Variants in MCCC2 observed in about 807,000 individuals in gnomAD.
The protein encoded by MCCC2 is methylcrotonyl-CoA carboxylase subunit 2.
In MCCC2, 52 loss-of-function variants were observed where a neutral mutation model predicts 77.2. The ratio of observed to expected loss-of-function variants is 0.67; its 90% CI spans 0.54 to 0.85. MCCC2 has a LOEUF of 0.85. Ranked by LOEUF, MCCC2 falls within the 40% of genes least tolerant of loss-of-function variation. The probability of loss-of-function intolerance (pLI) is 0.00; values close to 1 mark genes in which losing one functional copy is unlikely to be tolerated. For synonymous variants in MCCC2, 253 were observed against 248.4 expected, an observed-to-expected ratio of 1.02 and a Z score of -0.18; for missense variants, 682 against 703.2, an observed-to-expected ratio of 0.97 and a Z score of 0.34.
chr5:71,596,145 A>AT lies in MCCC2; in HGVS notation c.197-133dup, dbSNP rs1745177851. Reference sequence around the variant, plus strand: ...TGGCAACTTGTAAGTTGAGTGAATGATTATTAGCCTTTTCTCAGAGGATAT... The same window carrying AT: ...TGGCAACTTGTAAGTTGAGTGAATGATTTATTAGCCTTTTCTCAGAGGATAT... On this transcript the variant is annotated intron_variant, in intron 2 of 16. Coordinates refer to ENST00000340941, the MANE Select transcript of MCCC2 (RefSeq NM_022132.5). 8.8e-6 allele frequency: 7 copies of AT among 792,964 alleles called. No homozygotes were observed. In the Admixed American group the frequency reaches 1.5e-4, roughly 17 times the overall value. 49.1% of individuals were successfully genotyped at this position (792,964 alleles called of 1,614,324 possible).
chr5:71,619,116 TC>T (rs1298557997), intron 6 of MCCC2, among the ~76,000 whole-genome samples: 1 of 152,118 alleles, frequency 6.6e-6, no homozygotes, highest in Non-Finnish European at 1.5e-5. Flanking sequence ...TTTCCCTTTC[TC>T]CCCCCTACCT....
chr5:71,615,089 C>T (rs1554135750), intron 6 of MCCC2, among the ~76,000 whole-genome samples: 1 of 152,170 alleles, frequency 6.6e-6, no homozygotes, highest in Non-Finnish European at 1.5e-5. Context: ...GCCTCAGCCT[C>T]CCTAGTAGCA....
chr5:71,611,345 CGAGCT>C (rs1745935631), intron 6 of MCCC2, among the ~76,000 whole-genome samples: 1 of 151,532 alleles, frequency 6.6e-6, no homozygotes, highest in Non-Finnish European at 1.5e-5. Context: ...GAGGCTACAG[CGAGCT>C]GTGGTTGCAC....
At chr5:71,637,241 T>G (rs2112443941) in intron 10 of MCCC2, among the ~76,000 whole-genome samples, 1 of 152,310 alleles carries the variant, frequency 6.6e-6, no homozygotes, top group South Asian at 2.1e-4. Flanking sequence ...TCAACAATTG[T>G]TAGAACTTGT....
chr5:71,626,589 A>G, intron 6 of MCCC2, 51 bp from the exon 7 acceptor site: 2 of 1,388,218 alleles, frequency 1.4e-6, no homozygotes, highest in South Asian at 2.3e-5. Context: ...ACACTATAGA[A>G]GTCACTGCAT....
chr5:71,651,608 G>A (rs1050369847), intron 15 of MCCC2, among the ~76,000 whole-genome samples: 1 of 152,148 alleles, frequency 6.6e-6, no homozygotes, highest in Non-Finnish European at 1.5e-5. Context: ...GTGGAGTGAG[G>A]TACTGCCTCC....
chr5:71,604,314 T>C (rs903133226), intron 5 of MCCC2, 42 bp from the exon 6 acceptor site: 5 of 1,514,458 alleles, frequency 3.3e-6, no homozygotes, highest in Admixed American at 1.7e-5. Flanking sequence ...GTAGCACATT[T>C]AGTTCATAGA....
rs527955978 is a variant in MCCC2 at position 71,657,038 on chromosome 5, T to C, written c.*178T>C. Reference sequence around the variant, plus strand: ...ATTTATTTAATGAACATCAATTCCTTTTAAATTTTCTTAGAGAAATTTCTC... The same window carrying C: ...ATTTATTTAATGAACATCAATTCCTCTTAAATTTTCTTAGAGAAATTTCTC... On this transcript the variant is annotated 3_prime_UTR_variant, in exon 17 of 17. Transcript: ENST00000340941. The C allele has an allele frequency of 3.6e-6, 2 of 555,270 alleles. No homozygotes were observed. Among genetic ancestry groups the C allele is most frequent in the African/African-American group, 3.8e-5 (2 of 52,816 alleles). The allele number at this position is 555,270 out of a possible 1,614,324, so 34.4% of individuals were successfully genotyped here. A position where few individuals can be genotyped will look rare whatever the true frequency, so the allele number is the denominator to read the frequency against.
intron 1 of MCCC2, among the ~76,000 whole-genome samples, chr5:71,591,710 T>A (rs1744991456): frequency 6.6e-6 from 1 of 152,034 alleles, no homozygotes; most frequent in African/African-American, 2.4e-5. Flanking sequence ...GTGCTGAGAT[T>A]ACAGGCGTGA....
Position 71,596,347 on chromosome 5 carries a change from C to A in MCCC2, c.264C>A (p.Asp88Glu), listed in dbSNP as rs1231596830. Residue 88 changes from aspartate to glutamate, a missense_variant, in exon 3 of 17, where the codon GAC (aspartate) becomes GAA (glutamate). Transcript: ENST00000340941. The part of the protein sequence containing the change: ...RGKLLPRERI[D>E]NLIDPGSPFL... ...AACTATTGCCCAGAGAAAGAATTGA[C>A]AATCTCATAGACCCAGGGTGCGTAC... 1 of 1,613,978 alleles carries A rather than the reference C, an allele frequency of 6.2e-7. No individual in the cohort carries two copies. Among genetic ancestry groups the A allele is most frequent in the Non-Finnish European group, 8.5e-7 (1 of 1,179,986 alleles).
At chr5:71,641,896 C>T (rs563526866) in intron 11 of MCCC2, among the ~76,000 whole-genome samples, 23 of 152,320 alleles carry the variant, frequency 1.5e-4, no homozygotes, top group Non-Finnish European at 2.9e-4. Context: ...GAAGGGTTCA[C>T]ACTGGGAGTA....
In MCCC2 at chr5:71,632,172, G is replaced by T; in HGVS notation, c.790G>T (p.Asp264Tyr). The part of the protein sequence containing the change: ...EVSAEDLGGA[D>Y]LHCRKSGVSD... ...ATCTGCTGAGGATCTTGGAGGTGCT[G>T]ATCTTCATTGCAGGTGAAACAGAAA... is the stretch of plus-strand genomic sequence containing the variant. Residue 264 changes from aspartate (D) to tyrosine (Y), a missense_variant, in exon 8 of 17, where the codon GAT (aspartate) becomes TAT (tyrosine). Physicochemically the swap from Asp to Tyr is radical, Grantham distance 160 (BLOSUM62 -3). Coordinates refer to ENST00000340941, the MANE Select transcript of MCCC2 (RefSeq NM_022132.5). 1 of 1,614,182 alleles carries T rather than the reference G, an allele frequency of 6.2e-7. No homozygotes were observed. Among genetic ancestry groups the T allele is most frequent in the African/African-American group, 1.3e-5 (1 of 75,058 alleles).
rs1388895100 is a variant in MCCC2, at chr5:71,658,451, A to G, written c.*1591A>G. 2 of 152,182 alleles carry G rather than the reference A, an allele frequency of 1.3e-5. No individual in the cohort carries two copies. Among genetic ancestry groups the G allele is most frequent in the Non-Finnish European group, 2.9e-5 (2 of 68,032 alleles). 9.4% of individuals were successfully genotyped at this position (152,182 alleles called of 1,614,324 possible). On this transcript the variant is annotated 3_prime_UTR_variant, in exon 17 of 17. Transcript: ENST00000340941. ...TAAAACACTATCTACTTCCTTTGTC[A>G]TAAACTCATCATTTTCCTATAAACA...
Position 71,587,572 on chromosome 5 carries a change from G to A in MCCC2, c.129+18G>A, listed in dbSNP as rs1205374912. The A allele has an allele frequency of 6.5e-7, 1 of 1,531,520 alleles. No individual in the cohort carries two copies. The highest frequency in any genetic ancestry group is 8.8e-7 in the Non-Finnish European group (1 of 1,141,894). The allele number at this position is 1,531,520 out of a possible 1,614,324, so 94.9% of individuals were successfully genotyped here. A position where few individuals can be genotyped will look rare whatever the true frequency, so the allele number is the denominator to read the frequency against. The stretch of plus-strand genomic sequence containing the variant: ...TCTACCAGGTAGGCTGAGCGCCCCG[G>A]TGGCCTGGCCGCCGGTGCCAGGCTA... On this transcript the variant is annotated intron_variant, in intron 1 of 16. Transcript: ENST00000340941.
At chr5:71,656,358 G>A (rs1747577903) in intron 16 of MCCC2, among the ~76,000 whole-genome samples, 1 of 152,170 alleles carries the variant, frequency 6.6e-6, no homozygotes, top group African/African-American at 2.4e-5. Flanking sequence ...GGGTATATGT[G>A]GTTCTGCATA....
chr5:71,648,320 T>C lies in MCCC2; in HGVS notation c.1217-777T>C, dbSNP rs545721313. Among the ~76,000 whole-genome samples, 8 of 152,274 alleles carry C rather than the reference T, an allele frequency of 5.3e-5. No homozygotes were observed. The South Asian group carries it at 1.5e-3, about 28-fold the overall frequency. On this transcript the variant is annotated intron_variant, in intron 13 of 16. Coordinates refer to ENST00000340941, the MANE Select transcript of MCCC2 (RefSeq NM_022132.5). ...ACAAGCGAAGCCCAACTCAGTGTTA[T>C]AAGGCAGAGAAAGAGGAACCCAAGT...
intron 11 of MCCC2, among the ~76,000 whole-genome samples, chr5:71,643,179 TCCAGACCAG>T (rs1411227879): frequency 3.3e-5 from 5 of 152,116 alleles, no homozygotes; most frequent in Non-Finnish European, 7.4e-5. Flanking sequence ...GCCCAGGAGT[TCCAGACCAG>T]CCTGGCAACA....
At chr5:71,643,381 T>C (rs953786279) in intron 11 of MCCC2, among the ~76,000 whole-genome samples, 3 of 152,110 alleles carry the variant, frequency 2.0e-5, no homozygotes, top group African/African-American at 7.2e-5. Context: ...AGTGAGACCT[T>C]GTCTCAAAAA....
chr5:71,591,819 C>T (rs896024768), intron 1 of MCCC2, among the ~76,000 whole-genome samples: 16 of 152,188 alleles, frequency 1.1e-4, no homozygotes, highest in Non-Finnish European at 1.9e-4. Flanking sequence ...ATGGCACGAT[C>T]CTAGTTCACT....
Sources: gnomAD v4.1 joint callset for allele counts (sites outside exome capture counted in the v4.1 genomes callset) on GRCh38, gnomAD v4.1.1 for gene constraint, MANE v1.5 for transcripts, NCBI Gene and HGNC (gene_info 2026-07-23, HGNC 2026-07-21) for gene names.